Variants in TMEM71 observed in about 807,000 individuals in gnomAD.
TMEM71 encodes transmembrane protein 71.
A neutral mutation model predicts 38.0 loss-of-function variants in TMEM71; 44 were observed. The observed-to-expected ratio is 1.16, with a 90% CI of 0.91 to 1.49. The LOEUF (loss-of-function observed/expected upper bound fraction) is 1.49. TMEM71 is among the 40% of genes most tolerant of loss of function. The pLI, the probability that TMEM71 is intolerant of heterozygous loss-of-function variation, is 0.00. For missense variants in TMEM71, 367 were observed against 348.6 expected (o/e 1.05, Z -0.42); for synonymous variants, 133 against 122.5 (o/e 1.09, Z -0.56).
chr8:132,714,081 A>C, intron 8 of TMEM71, 29 bp from the exon 9 acceptor site: 1 of 1,614,010 alleles, frequency 6.2e-7, no homozygotes, highest in Non-Finnish European at 8.5e-7. Flanking sequence ...AATATTTTAA[A>C]ATCATTTTAA....
chr8:132,716,658 T>C (rs1028782252), intron 7 of TMEM71, among the ~76,000 whole-genome samples: 15 of 152,210 alleles, frequency 9.9e-5, no homozygotes, highest in African/African-American at 3.4e-4. Flanking sequence ...TTCAAGGATT[T>C]TGGTATCTGA....
rs1431771943 is a variant in TMEM71 at position 132,730,799 on chromosome 8, G to A, written c.488-2813C>T. On this transcript the variant is annotated intron_variant, in intron 5 of 9. Coordinates refer to ENST00000677595, the MANE Select transcript of TMEM71 (RefSeq NM_001382403.1). ...CTGGGCAAATATTTGGTAAACTTAT[G>A]AACTGTAGGACACTTAGGAGGGAAA... Among the ~76,000 whole-genome samples, 3 of 152,124 alleles carry A rather than the reference G, an allele frequency of 2.0e-5. No individual in the cohort carries two copies. In the East Asian group the frequency reaches 5.8e-4, roughly 29 times the overall value.
At position 132,710,420 on chromosome 8, in the gene TMEM71, C is replaced by T. The variant is rs1234238599; in HGVS notation, c.*547G>A. 1 of 158,234 alleles carries T rather than the reference C, an allele frequency of 6.3e-6. No homozygotes were observed. The highest frequency in any genetic ancestry group is 1.4e-5 in the Non-Finnish European group (1 of 72,472). 9.8% of individuals were successfully genotyped at this position (158,234 alleles called of 1,614,324 possible). ...TCATATTAACCATCATCTACGGTTA[C>T]CACCTAATATCAAGTCACTCCACTG... On this transcript the variant is annotated 3_prime_UTR_variant, in exon 10 of 10. Transcript: ENST00000677595.
chr8:132,774,533 C>G, the TMEM71 span, among the ~76,000 whole-genome samples: 1 of 152,204 alleles, frequency 6.6e-6, no homozygotes, highest in Non-Finnish European at 1.5e-5. Flanking sequence ...TATTTTAACT[C>G]CACACTATGA....
At chr8:132,756,906 T>A (rs1031911339) in intron 3 of TMEM71, among the ~76,000 whole-genome samples, 7 of 151,850 alleles carry the variant, frequency 4.6e-5, no homozygotes, top group African/African-American at 1.4e-4. Context: ...ATTTTTTTTT[T>A]AGACAAGTCT....
chr8:132,709,360 C>G (rs6987517), downstream of TMEM71, among the ~76,000 whole-genome samples: 18,753 of 152,142 alleles, frequency 0.12, 3,235 homozygotes, highest in African/African-American at 0.39. Flanking sequence ...CCCAGACCTA[C>G]TAAATTATTA....
chr8:132,753,216 C>G (rs1828820886), intron 3 of TMEM71, among the ~76,000 whole-genome samples: 1 of 151,954 alleles, frequency 6.6e-6, no homozygotes, highest in Non-Finnish European at 1.5e-5. Flanking sequence ...TAAATAAACT[C>G]AATGCCAGTT....
In TMEM71 at chr8:132,727,921, C is replaced by T; in HGVS notation, c.553G>A (p.Val185Met). 6.2e-7 allele frequency: 1 copy of T among 1,614,096 alleles called. No homozygotes were observed. Among genetic ancestry groups the T allele is most frequent in the East Asian group, 2.2e-5 (1 of 44,872 alleles). Residue 185 changes from valine to methionine, a missense_variant, in exon 6 of 10, where the codon GTG becomes ATG. Coordinates refer to ENST00000677595, the MANE Select transcript of TMEM71 (RefSeq NM_001382403.1). ...ATGTGGCTGGAAGAGGAGGTGATCA[C>T]AGACTCTGCATTCATCTTCCCTGAC... ...WESGKMNAES[V>M]ITSSSSHIIS... is the part of the protein sequence containing the mutation.
At chr8:132,740,319 T>A (rs916452276) in intron 5 of TMEM71, among the ~76,000 whole-genome samples, 1 of 152,238 alleles carries the variant, frequency 6.6e-6, no homozygotes, top group African/African-American at 2.4e-5. Context: ...TTTAAGCCAA[T>A]GCTCAAAAGT....
intron 9 of TMEM71, among the ~76,000 whole-genome samples, chr8:132,713,323 T>C (rs1029291745): frequency 6.6e-6 from 1 of 152,068 alleles, no homozygotes; most frequent in Non-Finnish European, 1.5e-5. Context: ...GCTAGAATCC[T>C]AACCAAAATA....
At chr8:132,743,267 C>T (rs553889101) in intron 5 of TMEM71, among the ~76,000 whole-genome samples, 1 of 152,270 alleles carries the variant, frequency 6.6e-6, no homozygotes, top group South Asian at 2.1e-4. Context: ...TCCCAGCAGA[C>T]ATCAAAGTCT....
At chr8:132,767,039 C>G in the TMEM71 span, among the ~76,000 whole-genome samples, 2 of 152,168 alleles carry the variant, frequency 1.3e-5, no homozygotes, top group Admixed American at 1.3e-4. Flanking sequence ...TGGGGCTATT[C>G]TGAAACGGAA....
chr8:132,725,562 T>C (rs895363961), intron 6 of TMEM71, among the ~76,000 whole-genome samples: 2 of 152,224 alleles, frequency 1.3e-5, no homozygotes, highest in African/African-American at 2.4e-5. Flanking sequence ...CTTCAACTGA[T>C]ACAACTGATG....
At chr8:132,729,104 T>C (rs1827311729) in intron 5 of TMEM71, among the ~76,000 whole-genome samples, 1 of 152,246 alleles carries the variant, frequency 6.6e-6, no homozygotes, top group African/African-American at 2.4e-5. Context: ...AAAGCATGCA[T>C]GCAACTTCAA....
chr8:132,735,560 T>C (rs755281059), intron 5 of TMEM71, among the ~76,000 whole-genome samples: 1 of 152,192 alleles, frequency 6.6e-6, no homozygotes, highest in African/African-American at 2.4e-5. Flanking sequence ...GGTTGACTAA[T>C]TACTGATTTT....
the TMEM71 span, among the ~76,000 whole-genome samples, chr8:132,775,106 TC>T: frequency 2.0e-5 from 3 of 152,206 alleles, no homozygotes; most frequent in African/African-American, 7.2e-5. Context: ...GTGACGTGGT[TC>T]CCAACGAATC....
upstream of TMEM71, among the ~76,000 whole-genome samples, chr8:132,763,259 C>T (rs895520315): frequency 1.3e-5 from 2 of 152,286 alleles, no homozygotes; most frequent in Non-Finnish European, 2.9e-5. Flanking sequence ...TAATAAGAAA[C>T]GTACTCCTCA....
chr8:132,763,105 C>G (rs1300728387), upstream of TMEM71, among the ~76,000 whole-genome samples: 1 of 152,146 alleles, frequency 6.6e-6, no homozygotes, highest in Non-Finnish European at 1.5e-5. Context: ...GGTCACAGGG[C>G]TTTCTTCCTC....
the TMEM71 span, among the ~76,000 whole-genome samples, chr8:132,769,202 A>G: frequency 3.1e-4 from 47 of 152,358 alleles, no homozygotes; most frequent in African/African-American, 1.1e-3. Context: ...TAGAACTCTT[A>G]TTTGAAGCTT....
Sources: allele counts gnomAD v4.1 joint callset (sites outside exome capture counted in the v4.1 genomes callset), GRCh38; gene constraint gnomAD v4.1.1; transcripts MANE v1.5; gene names NCBI Gene and HGNC (gene_info 2026-07-23, HGNC 2026-07-21).